The following NRCAM variants were observed in gnomAD, a reference collection of about 807,000 sequenced individuals.
NRCAM encodes the protein NgCAM-related cell adhesion molecule.
A neutral mutation model predicts 156.5 loss-of-function variants in NRCAM; 83 were observed. The observed-to-expected ratio is 0.53, with a 90% confidence interval of 0.44 to 0.64. The LOEUF (loss-of-function observed/expected upper bound fraction) is 0.64, where lower values mean the gene tolerates loss of function less well. Among genes scored for constraint, NRCAM ranks in the 30% least tolerant of loss-of-function variants. The pLI, the probability that NRCAM is intolerant of heterozygous loss-of-function variation, is 0.00. For missense variants in NRCAM, 1,417 were observed against 1,597.3 expected (o/e 0.89, Z 1.92); for synonymous variants, 538 against 563.9 (o/e 0.95, Z 0.65).
rs780817374 is a variant in NRCAM, at chr7:108,184,460, G to A, written c.2190C>T (p.Ser730=). The A allele has an allele frequency of 1.2e-6, 2 of 1,614,048 alleles. No homozygotes were observed. The highest frequency in any genetic ancestry group is 3.3e-5 in the Admixed American group (2 of 60,000). The part of the protein sequence containing the change: ...RVMAVNSIGK[S]LPSEASEQYL... Reference sequence around the variant, plus strand: ...ACTGCTCAGACGCCTCGCTGGGCAAGCTCTTCCCAATGCTGTTCACTGCCA... The same window carrying A: ...ACTGCTCAGACGCCTCGCTGGGCAAACTCTTCCCAATGCTGTTCACTGCCA... Residue 730 remains serine (S), a synonymous_variant, in exon 21 of 33, where the codon AGC becomes AGT. Coordinates refer to ENST00000379028, the MANE Select transcript of NRCAM (RefSeq NM_001037132.4).
chr7:108,180,168 C>A, intron 25 of NRCAM, 55 bp downstream of exon 25: 1 of 1,531,188 alleles, frequency 6.5e-7, no homozygotes, highest in East Asian at 2.3e-5. Flanking sequence ...TCAGGCAAAA[C>A]CTCTCAGGCC....
chr7:108,289,826 C>T (rs2098230467), intron 3 of NRCAM, among the ~76,000 whole-genome samples: 1 of 152,086 alleles, frequency 6.6e-6, no homozygotes, highest in African/African-American at 2.4e-5. Flanking sequence ...ATTCTTTGGA[C>T]CTACCCCAAG....
At chr7:108,157,852 G>A (rs1467951753) in intron 32 of NRCAM, among the ~76,000 whole-genome samples, 1 of 152,108 alleles carries the variant, frequency 6.6e-6, no homozygotes, top group Non-Finnish European at 1.5e-5. Flanking sequence ...ACCATGTGGA[G>A]AATGTATGAA....
intron 5 of NRCAM, among the ~76,000 whole-genome samples, chr7:108,235,749 G>A (rs142580540): frequency 7.9e-5 from 12 of 152,192 alleles, no homozygotes; most frequent in African/African-American, 2.9e-4. Flanking sequence ...GTGGTATCTC[G>A]TAGATAGAGG....
At chr7:108,253,534 G>A (rs979455157) in intron 3 of NRCAM, among the ~76,000 whole-genome samples, 2 of 152,200 alleles carry the variant, frequency 1.3e-5, no homozygotes, top group Admixed American at 6.5e-5. Flanking sequence ...AGGCAGAAAC[G>A]TAAAGTTGGT....
chr7:108,370,238 G>A (rs996879815), intron 2 of NRCAM, among the ~76,000 whole-genome samples: 2 of 152,138 alleles, frequency 1.3e-5, no homozygotes, highest in Admixed American at 1.3e-4. Flanking sequence ...AATTCAGCCT[G>A]AGCCAATGTT....
In NRCAM at chr7:108,240,813, T is replaced by C. The variant is rs77234358; in HGVS notation, c.-106-643A>G. On this transcript the variant is annotated intron_variant, in intron 3 of 32. Coordinates refer to ENST00000379028, the MANE Select transcript of NRCAM (RefSeq NM_001037132.4). ...ATGTGATCCCTCAAAGAAAGTCCAA[T>C]GTATCTTTAAACAAGTACTTAAAAA... 9.8e-5 allele frequency among the ~76,000 whole-genome samples: 15 copies of C among 152,320 alleles called. No individual in the cohort carries two copies. In the East Asian group the frequency reaches 2.7e-3, roughly 27 times the overall value.
At chr7:108,267,161 A>C (rs2097140122) in intron 3 of NRCAM, among the ~76,000 whole-genome samples, 1 of 152,208 alleles carries the variant, frequency 6.6e-6, no homozygotes, top group African/African-American at 2.4e-5. Flanking sequence ...ATAAGCGGTA[A>C]GCATCCCTCC....
At chr7:108,267,460 T>C (rs2097150335) in intron 3 of NRCAM, among the ~76,000 whole-genome samples, 1 of 152,218 alleles carries the variant, frequency 6.6e-6, no homozygotes, top group Admixed American at 6.5e-5. Flanking sequence ...AATCCCATGG[T>C]TTCCAAAGAG....
At chr7:108,346,616 G>T (rs1408117311) in intron 2 of NRCAM, among the ~76,000 whole-genome samples, 1 of 152,044 alleles carries the variant, frequency 6.6e-6, no homozygotes, top group Non-Finnish European at 1.5e-5. Context: ...AAAAGTGCTG[G>T]GTTTAATGTC....
At chr7:108,374,898 A>G (rs1595592192) in intron 2 of NRCAM, among the ~76,000 whole-genome samples, 1 of 152,280 alleles carries the variant, frequency 6.6e-6, no homozygotes, top group East Asian at 1.9e-4. Flanking sequence ...TAGGCAGGAG[A>G]TGCTTTCTTC....
At chr7:108,308,330 G>T (rs938989832) in intron 3 of NRCAM, among the ~76,000 whole-genome samples, 4 of 152,130 alleles carry the variant, frequency 2.6e-5, no homozygotes, top group African/African-American at 4.8e-5. Context: ...AATAATCCCA[G>T]AAAACAGTTA....
At chr7:108,339,542 A>G (rs2099250574) in intron 2 of NRCAM, among the ~76,000 whole-genome samples, 1 of 152,210 alleles carries the variant, frequency 6.6e-6, no homozygotes, top group African/African-American at 2.4e-5. Flanking sequence ...CTCACCCCTG[A>G]GCACAAAGGC....
At chr7:108,329,401 A>G (rs1670853408) in intron 2 of NRCAM, among the ~76,000 whole-genome samples, 1 of 152,178 alleles carries the variant, frequency 6.6e-6, no homozygotes, top group Non-Finnish European at 1.5e-5. Flanking sequence ...GCCGCCACAA[A>G]TCCTTAACCA....
intron 1 of NRCAM, among the ~76,000 whole-genome samples, chr7:108,432,396 C>T (rs936790483): frequency 1.3e-5 from 2 of 152,156 alleles, no homozygotes; most frequent in South Asian, 2.1e-4. Flanking sequence ...TGGATTTCTA[C>T]GAAACAGTAA....
At chr7:108,178,359 C>T in intron 25 of NRCAM, 1 of 484,208 alleles carries the variant, frequency 2.1e-6, no homozygotes, top group Non-Finnish European at 3.8e-6. Context: ...ATGACTTTGC[C>T]TTTAGATGGA....
At position 108,456,240 on chromosome 7, in the gene NRCAM, T is replaced by TA; in HGVS notation, c.-332+2dup. 6.6e-6 allele frequency: 1 copy of TA among 152,482 alleles called. No homozygotes were observed. The highest frequency in any genetic ancestry group is 1.5e-5 in the Non-Finnish European group (1 of 68,298). 9.4% of individuals were successfully genotyped at this position (152,482 alleles called of 1,614,324 possible). A position where few individuals can be genotyped will look rare whatever the true frequency, so the allele number is the denominator to read the frequency against. ...ACCGCCAGACGCGCAAGGAGCTACT[T>TA]ACGTTCTCGCGCCGCGCCCTCCGCT... is the stretch of plus-strand genomic sequence containing the variant. On this transcript the variant is annotated splice_region_variant and intron_variant, in intron 1 of 32. Transcript: ENST00000379028.
chr7:108,177,474 T>A (rs902882721), intron 26 of NRCAM, among the ~76,000 whole-genome samples: 3 of 151,796 alleles, frequency 2.0e-5, no homozygotes, highest in African/African-American at 7.3e-5. Context: ...ATACAAAAAA[T>A]TTGCCGGGCA....
intron 11 of NRCAM, among the ~76,000 whole-genome samples, chr7:108,217,453 G>A (rs536819661): frequency 5.3e-5 from 8 of 152,342 alleles, no homozygotes; most frequent in Non-Finnish European, 1.2e-4. Flanking sequence ...GCACTGTGCT[G>A]GGAGATCTGC....
Sources: allele counts gnomAD v4.1 joint callset (sites outside exome capture counted in the v4.1 genomes callset), GRCh38; gene constraint gnomAD v4.1.1; transcripts MANE v1.5; gene names NCBI Gene and HGNC (gene_info 2026-07-23, HGNC 2026-07-21).